RIOX2: variants seen among roughly 807,000 people sequenced by gnomAD.
RIOX2 encodes the protein 60S ribosomal protein L27a histidine hydroxylase.
A neutral mutation model predicts 51.2 loss-of-function variants in RIOX2; 43 were observed. That is an observed-to-expected ratio of 0.84 (90% CI 0.66 to 1.08). The LOEUF is 1.08. RIOX2 is among the 50% of genes least tolerant of loss of function. The pLI is 0.00. For synonymous variants in RIOX2, 226 were observed against 218.5 expected, an observed-to-expected ratio of 1.03 and a Z score of -0.30; for missense variants, 566 against 561.7, an observed-to-expected ratio of 1.01 and a Z score of -0.08.
chr3:97,946,362 C>G (rs2040356807), intron 8 of RIOX2, among the ~76,000 whole-genome samples: 2 of 151,722 alleles, frequency 1.3e-5, no homozygotes, highest in Admixed American at 1.3e-4. Flanking sequence ...ATAAAAAACT[C>G]CATTTCAATT....
At chr3:97,951,186 T>C in intron 5 of RIOX2, 1 of 259,806 alleles carries the variant, frequency 3.8e-6, no homozygotes, top group Admixed American at 5.1e-5. Context: ...TAGACTTTCA[T>C]AAAACAGGAA....
chr3:97,951,568 G>A (rs147190630), intron 5 of RIOX2, among the ~76,000 whole-genome samples: 74 of 152,206 alleles, frequency 4.9e-4, no homozygotes, highest in African/African-American at 1.7e-3. Flanking sequence ...AGTGCGTGCC[G>A]GTGTAAGAAA....
Position 97,950,884 on chromosome 3 carries a change from A to T in RIOX2, c.790T>A (p.Trp264Arg). 1.2e-6 allele frequency: 2 copies of T among 1,610,682 alleles called. No individual in the cohort carries two copies. Among genetic ancestry groups the T allele is most frequent in the Non-Finnish European group, 1.7e-6 (2 of 1,177,036 alleles). Reference sequence around the variant, plus strand: ...ATGGTATCCAAAAGGAAATCTCCCCATGAACTAGGATATGCACCAAGGGGG... The same window carrying T: ...ATGGTATCCAAAAGGAAATCTCCCCTTGAACTAGGATATGCACCAAGGGGG... ...VTISTYQNNSWGDFLLDTISG... is the reference protein window; with the variant it reads ...VTISTYQNNSRGDFLLDTISG... The change falls in exon 6 of 10, where the codon TGG (tryptophan) becomes AGG (arginine). Residue 264 changes from tryptophan (W) to arginine (R), a missense_variant. Physicochemically the swap from Trp to Arg is moderately radical, Grantham distance 101. Transcript: ENST00000394198.
chr3:97,967,716 A>G (rs1337010693), intron 1 of RIOX2, 84 bp from the exon 2 acceptor site: 5 of 941,992 alleles, frequency 5.3e-6, no homozygotes, highest in Non-Finnish European at 7.7e-6. Context: ...CACACAACTG[A>G]ATGACCATTA....
In RIOX2 at chr3:97,961,717, A is replaced by G. The variant is rs1402292663; in HGVS notation, c.433-9T>C. The G allele has an allele frequency of 6.3e-7, 1 of 1,579,584 alleles. No homozygotes were observed. Among genetic ancestry groups the G allele is most frequent in the Admixed American group, 2.1e-5 (1 of 48,614 alleles). On this transcript the variant is annotated splice_polypyrimidine_tract_variant and intron_variant, in intron 2 of 9. Coordinates refer to ENST00000394198, the MANE Select transcript of RIOX2 (RefSeq NM_153182.4). ...ATCCTCCAAAGCTCATCCTTTACAA[A>G]AAAGGAAAAAAGAAAGGGTCGGCGT...
chr3:97,970,223 A>T (rs1446720146), intron 1 of RIOX2, among the ~76,000 whole-genome samples: 1 of 152,248 alleles, frequency 6.6e-6, no homozygotes. Context: ...TCCCATCTAC[A>T]ATCACTAACA....
chr3:97,946,664 C>G (rs1287229218), intron 8 of RIOX2, among the ~76,000 whole-genome samples: 1 of 149,014 alleles, frequency 6.7e-6, no homozygotes, highest in East Asian at 2.0e-4. Context: ...CTGGAACAAT[C>G]TGGTTATCGA....
chr3:97,967,025 C>A (rs1705914353), intron 2 of RIOX2, 137 bp downstream of exon 2: 1 of 878,896 alleles, frequency 1.1e-6, no homozygotes, highest in Admixed American at 2.3e-5. Flanking sequence ...TGCATTTAGA[C>A]CAAAGAGGTG....
At chr3:97,965,372 C>T (rs1318504078) in intron 2 of RIOX2, among the ~76,000 whole-genome samples, 1 of 152,006 alleles carries the variant, frequency 6.6e-6, no homozygotes. Flanking sequence ...ATTAGCCAGG[C>T]ATGGTGGTAT....
chr3:97,950,848 C>T lies in RIOX2; in HGVS notation c.826G>A (p.Val276Ile), dbSNP rs752038251. Residue 276 changes from valine (V) to isoleucine (I), a missense_variant, in exon 6 of 10, where the codon GTA becomes ATA. Val to Ile is a conservative substitution (Grantham distance 29, BLOSUM62 3). Transcript: ENST00000394198. ...DFLLDTISGL[V>I]FDTAKEDVEL... ...ACGTCTTCCTTTGCAGTATCAAATA[C>T]AAGCCCCGAGATGGTATCCAAAAGG... 1.2e-6 allele frequency: 2 copies of T among 1,613,754 alleles called. No homozygotes were observed. The highest frequency in any genetic ancestry group is 1.1e-5 in the South Asian group (1 of 91,058).
At chr3:97,959,274 A>T in intron 3 of RIOX2, 95 bp from the exon 4 acceptor site, 1 of 1,155,504 alleles carries the variant, frequency 8.7e-7, no homozygotes, top group Non-Finnish European at 1.2e-6. Context: ...GGGCTAATAG[A>T]CAAATATATA....
At chr3:97,971,066 GA>G (rs1192897692) in intron 1 of RIOX2, among the ~76,000 whole-genome samples, 1 of 152,290 alleles carries the variant, frequency 6.6e-6, no homozygotes, top group African/African-American at 2.4e-5. Flanking sequence ...AACAGTTACG[GA>G]AAAAACAGAT....
chr3:97,959,192 AAGGCCCAGG>A lies in RIOX2; in HGVS notation c.553-22_553-14del, dbSNP rs1276062078. The stretch of plus-strand genomic sequence containing the variant: ...GCAGGATGAAAACCTAGAGACCCAC[AAGGCCCAGG>A]AGCATCAGAGAGCTTCCTGACAACT... On this transcript the variant is annotated splice_polypyrimidine_tract_variant and intron_variant, in intron 3 of 9. Coordinates refer to ENST00000394198, the MANE Select transcript of RIOX2 (RefSeq NM_153182.4). 2.7e-5 allele frequency: 43 copies of A among 1,611,510 alleles called. No individual in the cohort carries two copies. The highest frequency in any genetic ancestry group is 3.6e-5 in the Non-Finnish European group (42 of 1,178,932).
At chr3:97,964,646 G>A (rs755071770) in intron 2 of RIOX2, among the ~76,000 whole-genome samples, 3 of 143,900 alleles carry the variant, frequency 2.1e-5, no homozygotes, top group Non-Finnish European at 4.5e-5. Context: ...GTAGTGAGCC[G>A]AGATTGCGTC....
chr3:97,959,283 T>C, intron 3 of RIOX2, 104 bp from the exon 4 acceptor site: 1 of 862,724 alleles, frequency 1.2e-6, no homozygotes, highest in South Asian at 2.3e-5. Context: ...GACAAATATA[T>C]AGGTGAACCT....
At chr3:97,950,090 G>A in intron 6 of RIOX2, 75 bp from the exon 7 acceptor site, 4 of 1,484,970 alleles carry the variant, frequency 2.7e-6, no homozygotes, top group Middle Eastern at 2.4e-4. Context: ...ACAGTAGACT[G>A]CAAAACTGCC....
At chr3:97,962,289 T>TA (rs1705709085) in intron 2 of RIOX2, among the ~76,000 whole-genome samples, 1 of 142,496 alleles carries the variant, frequency 7.0e-6, no homozygotes, top group Admixed American at 7.5e-5. Flanking sequence ...AAAAACTTAC[T>TA]AAAAAACAAG....
At chr3:97,954,819 T>C (rs1705394659) in intron 4 of RIOX2, among the ~76,000 whole-genome samples, 1 of 152,192 alleles carries the variant, frequency 6.6e-6, no homozygotes, top group South Asian at 2.1e-4. Flanking sequence ...ATCCTGTGCC[T>C]GGGACGCCTG....
At chr3:97,953,554 A>AT (rs551625517) in intron 5 of RIOX2, among the ~76,000 whole-genome samples, 113 of 151,560 alleles carry the variant, frequency 7.5e-4, no homozygotes, top group South Asian at 1.3e-3. Flanking sequence ...TAATATTTGT[A>AT]TTTTTTTTAG....
Sources: allele counts gnomAD v4.1 joint callset (sites outside exome capture counted in the v4.1 genomes callset), GRCh38; gene constraint gnomAD v4.1.1; transcripts MANE v1.5; gene names NCBI Gene and HGNC (gene_info 2026-07-23, HGNC 2026-07-21).